RBFOX1: variants seen among roughly 807,000 people sequenced by gnomAD.
The protein encoded by RBFOX1 is RNA binding fox-1 homolog 1.
Under a neutral mutation model 57.7 loss-of-function variants are expected in RBFOX1, and 8 were observed. That is an observed-to-expected ratio of 0.14 (90% CI 0.08 to 0.25). The LOEUF (loss-of-function observed/expected upper bound fraction) is 0.25. RBFOX1 is among the 10% of genes least tolerant of loss of function. The pLI is 1.00. For missense variants in RBFOX1, 611 were observed against 548.5 expected, an observed-to-expected ratio of 1.11 and a Z score of -1.14; for synonymous variants, 326 against 222.4, an observed-to-expected ratio of 1.47 and a Z score of -4.15.
At chr16:6,741,325 A>G (rs2072036732) in intron 3 of RBFOX1, among the ~76,000 whole-genome samples, 1 of 152,192 alleles carries the variant, frequency 6.6e-6, no homozygotes, top group Non-Finnish European at 1.5e-5. Context: ...GCTCGGTGAC[A>G]TGCCACCAAG....
At chr16:7,087,217 T>C (rs992348083) in intron 4 of RBFOX1, among the ~76,000 whole-genome samples, 1 of 152,142 alleles carries the variant, frequency 6.6e-6, no homozygotes, top group East Asian at 1.9e-4. Context: ...TTACTTTGAG[T>C]TTAAAAAAAT....
intron 2 of RBFOX1, among the ~76,000 whole-genome samples, chr16:6,617,593 G>C: frequency 6.6e-6 from 1 of 152,090 alleles, no homozygotes; most frequent in Non-Finnish European, 1.5e-5. Context: ...CCACTTACAT[G>C]TGGGGGTTCC....
At chr16:6,674,881 T>C (rs757797870) in intron 3 of RBFOX1, among the ~76,000 whole-genome samples, 18 of 152,026 alleles carry the variant, frequency 1.2e-4, no homozygotes, top group Non-Finnish European at 2.4e-4. Context: ...TACTGTTGTG[T>C]TTTTTGTTTG....
chr16:7,603,666 G>A (rs1209533065), intron 9 of RBFOX1, among the ~76,000 whole-genome samples: 1 of 152,120 alleles, frequency 6.6e-6, no homozygotes, highest in Non-Finnish European at 1.5e-5. Context: ...GATATACGGT[G>A]GTCTTGGGGG....
chr16:5,842,822 T>A (rs9652643), intron 3 of RBFOX1, among the ~76,000 whole-genome samples: 15,422 of 151,990 alleles, frequency 0.1, 939 homozygotes, highest in African/African-American at 0.16. Context: ...ATTTTTTTTT[T>A]AATTTATTTA....
intron 2 of RBFOX1, among the ~76,000 whole-genome samples, chr16:6,570,281 T>A (rs574326446): frequency 3.3e-5 from 5 of 152,342 alleles, no homozygotes; most frequent in African/African-American, 4.8e-5. Context: ...CTCTTTTGTT[T>A]TGAAAATCAG....
Position 6,163,039 on chromosome 16 carries a change from C to T in RBFOX1, c.-127+143047C>T, listed in dbSNP as rs112248954. 1.2e-3 allele frequency among the ~76,000 whole-genome samples: 184 copies of T among 152,210 alleles called. 2 individuals carry two copies. Among genetic ancestry groups the T allele is most frequent in the African/African-American group, 3.9e-3 (163 of 41,530 alleles). The stretch of plus-strand genomic sequence containing the variant: ...GCCAACCACTGTGCCTATCCCACAA[C>T]GTGCTTTTGAGCAACAGCAATAACT... On this transcript the variant is annotated intron_variant, in intron 1 of 15. Transcript: ENST00000550418.
chr16:5,510,359 G>A (rs1362250624), intron 2 of RBFOX1, among the ~76,000 whole-genome samples: 1 of 152,214 alleles, frequency 6.6e-6, no homozygotes, highest in African/African-American at 2.4e-5. Context: ...TCTGCCTGGT[G>A]TCTCTGCTTC....
At position 7,698,831 on chromosome 16, in the gene RBFOX1, G is replaced by A. The variant is rs137984902; in HGVS notation, c.996-10225G>A. Among the ~76,000 whole-genome samples, 436 of 152,304 alleles carry A rather than the reference G, an allele frequency of 2.9e-3. 2 individuals are homozygous for A. Among genetic ancestry groups the A allele is most frequent in the African/African-American group, 9.9e-3 (411 of 41,560 alleles). On this transcript the variant is annotated intron_variant, in intron 14 of 15. Transcript: ENST00000550418. ...CACTTATTGAGAACCTTCTGTATAT[G>A]AGGCATAGTCTCAGGCTTGCTGCAT... is the stretch of plus-strand genomic sequence containing the variant.
intron 1 of RBFOX1, among the ~76,000 whole-genome samples, chr16:5,375,958 G>T (rs1185635455): frequency 5.3e-5 from 8 of 152,010 alleles, no homozygotes; most frequent in African/African-American, 1.9e-4. Context: ...TTTGAGGTCG[G>T]GAGTCTGAGA....
intron 3 of RBFOX1, among the ~76,000 whole-genome samples, chr16:7,042,503 A>G (rs138822481): frequency 1.3e-5 from 2 of 152,230 alleles, no homozygotes; most frequent in East Asian, 1.9e-4. Flanking sequence ...AATGAAATCA[A>G]TTGTCAGCTG....
intron 2 of RBFOX1, among the ~76,000 whole-genome samples, chr16:6,453,844 C>T (rs1597460508): frequency 6.6e-6 from 1 of 152,184 alleles, no homozygotes; most frequent in Non-Finnish European, 1.5e-5. Context: ...CCAGAGGCTA[C>T]CATACTGGAT....
At chr16:7,158,471 T>C (rs1439104798) in intron 4 of RBFOX1, among the ~76,000 whole-genome samples, 1 of 152,190 alleles carries the variant, frequency 6.6e-6, no homozygotes, top group Non-Finnish European at 1.5e-5. Flanking sequence ...CCTGACCTTT[T>C]TCAGATTTCC....
intron 4 of RBFOX1, among the ~76,000 whole-genome samples, chr16:7,467,424 T>C (rs2060730953): frequency 6.6e-6 from 1 of 152,116 alleles, no homozygotes; most frequent in Admixed American, 6.5e-5. Flanking sequence ...AAAGAGGACA[T>C]TGGGATGTAA....
At chr16:6,248,512 C>A (rs1490396215) in intron 1 of RBFOX1, among the ~76,000 whole-genome samples, 2 of 152,062 alleles carry the variant, frequency 1.3e-5, no homozygotes, top group Admixed American at 6.6e-5. Flanking sequence ...AAGGAGAGGG[C>A]AGGATGCTCA....
chr16:6,868,496 C>G (rs1458224536), intron 3 of RBFOX1, among the ~76,000 whole-genome samples: 1 of 151,778 alleles, frequency 6.6e-6, no homozygotes, highest in African/African-American at 2.4e-5. Context: ...TTTTTTGAGA[C>G]AGTCTCACTC....
At chr16:6,386,630 G>A (rs182417393) in intron 2 of RBFOX1, among the ~76,000 whole-genome samples, 39 of 152,258 alleles carry the variant, frequency 2.6e-4, no homozygotes, top group African/African-American at 6.7e-4. Context: ...AAACCATTGC[G>A]TCCCAAAGAG....
chr16:5,583,238 T>C (rs2046731733), intron 2 of RBFOX1, among the ~76,000 whole-genome samples: 1 of 152,252 alleles, frequency 6.6e-6, no homozygotes, highest in South Asian at 2.1e-4. Flanking sequence ...TAAAGCCAAC[T>C]AAATATGGCC....
chr16:6,432,396 G>C (rs2094124427), intron 2 of RBFOX1, among the ~76,000 whole-genome samples: 1 of 152,034 alleles, frequency 6.6e-6, no homozygotes, highest in Admixed American at 6.6e-5. Flanking sequence ...ATGAGGCCGG[G>C]CACAGTGGCT....
Sources: gnomAD v4.1 joint callset for allele counts (sites outside exome capture counted in the v4.1 genomes callset) on GRCh38, gnomAD v4.1.1 for gene constraint, MANE v1.5 for transcripts, NCBI Gene and HGNC (gene_info 2026-07-23, HGNC 2026-07-21) for gene names.